Variants in YEATS2 observed in about 807,000 individuals in gnomAD.
The protein encoded by YEATS2 is YEATS domain containing 2.
YEATS2 carries 77 observed loss-of-function variants against 163.2 expected under a neutral mutation model. The observed-to-expected ratio is 0.47, with a 90% CI of 0.39 to 0.57. The LOEUF (loss-of-function observed/expected upper bound fraction) is 0.57. Ranked by LOEUF, YEATS2 falls within the 20% of genes least tolerant of loss-of-function variation. The pLI, the probability that YEATS2 is intolerant of heterozygous loss-of-function variation, is 0.00. For synonymous variants in YEATS2, 631 were observed against 645.1 expected, an observed-to-expected ratio of 0.98 and a Z score of 0.33; for missense variants, 1,549 against 1,729.8, an observed-to-expected ratio of 0.90 and a Z score of 1.85.
At chr3:183,799,459 C>A (rs1235203474) in intron 23 of YEATS2, among the ~76,000 whole-genome samples, 3 of 152,100 alleles carry the variant, frequency 2.0e-5, no homozygotes, top group Non-Finnish European at 4.4e-5. Flanking sequence ...ATTAAGGGCA[C>A]AGGAGAGACA....
chr3:183,720,971 T>C (rs914501474), intron 4 of YEATS2, among the ~76,000 whole-genome samples: 1 of 152,230 alleles, frequency 6.6e-6, no homozygotes, highest in Non-Finnish European at 1.5e-5. Flanking sequence ...CCTCTTCTTA[T>C]AAGCGAGGAG....
At chr3:183,780,389 C>T (rs891688906) in intron 19 of YEATS2, among the ~76,000 whole-genome samples, 10 of 152,200 alleles carry the variant, frequency 6.6e-5, no homozygotes, top group Admixed American at 5.2e-4. Flanking sequence ...CGTTTTTCCA[C>T]GCTTCTGTGG....
intron 30 of YEATS2, among the ~76,000 whole-genome samples, chr3:183,809,771 C>T (rs561113913): frequency 6.6e-6 from 1 of 152,206 alleles, no homozygotes; most frequent in Admixed American, 6.5e-5. Context: ...GCTTTTCTTT[C>T]GGAGGAAACA....
chr3:183,773,389 G>C (rs766786759), intron 16 of YEATS2, among the ~76,000 whole-genome samples: 1 of 152,164 alleles, frequency 6.6e-6, no homozygotes, highest in African/African-American at 2.4e-5. Flanking sequence ...CAGGACGTAC[G>C]ATCATCCTAT....
chr3:183,762,640 T>A (rs1341062895), intron 15 of YEATS2, among the ~76,000 whole-genome samples: 1 of 152,220 alleles, frequency 6.6e-6, no homozygotes, highest in Non-Finnish European at 1.5e-5. Context: ...TGCTGTAGTT[T>A]ATACCTCTGA....
At chr3:183,796,362 A>G (rs993281642) in intron 21 of YEATS2, among the ~76,000 whole-genome samples, 1 of 151,674 alleles carries the variant, frequency 6.6e-6, no homozygotes, top group South Asian at 2.1e-4. Context: ...CCTTCACACT[A>G]AAGGCCCTTT....
intron 24 of YEATS2, 123 bp from the exon 25 acceptor site, chr3:183,801,329 TATG>T: frequency 3.4e-6 from 2 of 594,568 alleles, no homozygotes; most frequent in South Asian, 6.2e-5. Flanking sequence ...GACATGCTAA[TATG>T]ATGGTTTTAA....
intron 8 of YEATS2, among the ~76,000 whole-genome samples, chr3:183,738,050 C>G (rs959098794): frequency 6.6e-6 from 1 of 151,740 alleles, no homozygotes; most frequent in Non-Finnish European, 1.5e-5. Context: ...TTTGATGTTA[C>G]TATTATTTTG....
chr3:183,768,968 G>A (rs551585985), intron 15 of YEATS2, among the ~76,000 whole-genome samples: 56 of 152,244 alleles, frequency 3.7e-4, no homozygotes, highest in African/African-American at 1.2e-3. Flanking sequence ...GCAAAACTCC[G>A]TCTCAAAAAA....
intron 8 of YEATS2, among the ~76,000 whole-genome samples, chr3:183,744,102 CTTTTTTTTTTTTTT>C (rs562807575): frequency 1.4e-4 from 8 of 56,002 alleles, no homozygotes; most frequent in Non-Finnish European, 2.1e-4. Flanking sequence ...TTTAGTTTTG[CTTTTTTTTTTTTTT>C]TTTTTTTTTT....
intron 1 of YEATS2, among the ~76,000 whole-genome samples, chr3:183,702,759 G>A (rs988938169): frequency 3.3e-5 from 5 of 151,800 alleles, no homozygotes; most frequent in South Asian, 4.2e-4. Context: ...TCTTGAACCC[G>A]GGAGGCGGAG....
chr3:183,805,010 A>C lies in YEATS2; in HGVS notation c.3784+822A>C, dbSNP rs981330186. Among the ~76,000 whole-genome samples the C allele has an allele frequency of 4.6e-5, 7 of 151,106 alleles. No individual in the cohort carries two copies. The East Asian group carries it at 1.2e-3, about 26-fold the overall frequency. On this transcript the variant is annotated intron_variant, in intron 27 of 30. Transcript: ENST00000305135. ...TCTCAAAAAAAAAACCACACACACAAAAAAAACAGACCACTGCTGCAGGGC... is the reference window on the plus strand; with the variant it reads ...TCTCAAAAAAAAAACCACACACACACAAAAAACAGACCACTGCTGCAGGGC...
chr3:183,776,068 G>A lies in YEATS2; in HGVS notation c.2522G>A (p.Gly841Glu), dbSNP rs747706219. The change falls in exon 18 of 31, where the codon GGA becomes GAA. Residue 841 changes from glycine (G) to glutamate (E), a missense_variant. Coordinates refer to ENST00000305135, the MANE Select transcript of YEATS2 (RefSeq NM_018023.5). ...GGAACTCAAAGTACTGCTGGCCCTG[G>A]AGGGATATCTCAGCACCTGACTTAC... The part of the protein sequence containing the change: ...GGGTQSTAGP[G>E]GISQHLTYTS... The A allele has an allele frequency of 6.2e-7, 1 of 1,612,176 alleles. No homozygotes were observed. Among genetic ancestry groups the A allele is most frequent in the South Asian group, 1.1e-5 (1 of 90,670 alleles).
chr3:183,800,616 C>A, intron 24 of YEATS2, 48 bp downstream of exon 24: 1 of 1,501,744 alleles, frequency 6.7e-7, no homozygotes. Flanking sequence ...GGGTGTTTGT[C>A]ACGCCTGTGA....
At chr3:183,797,870 C>CT in intron 21 of YEATS2, 53 bp from the exon 22 acceptor site, 1 of 1,609,462 alleles carries the variant, frequency 6.2e-7, no homozygotes, top group Non-Finnish European at 8.5e-7. Context: ...GGATAAGAGA[C>CT]TTTCCCGAAG....
intron 30 of YEATS2, 50 bp from the exon 31 acceptor site, chr3:183,810,425 A>T (rs1343554575): frequency 6.7e-7 from 1 of 1,491,858 alleles, no homozygotes; most frequent in Non-Finnish European, 9.3e-7. Flanking sequence ...AAATGATGAG[A>T]TATACGTGAG....
chr3:183,795,729 G>C lies in YEATS2; in HGVS notation c.3098-2194G>C, dbSNP rs750195119. Among the ~76,000 whole-genome samples, 17 of 152,004 alleles carry C rather than the reference G, an allele frequency of 1.1e-4. 1 individual carries two copies. The highest frequency in any genetic ancestry group is 2.5e-4 in the Non-Finnish European group (17 of 68,018). On this transcript the variant is annotated intron_variant, in intron 21 of 30. Transcript: ENST00000305135. ...TGGGGTTGGCTATATTTAGTTATAAGCCTTTTAGTACTTTCTAACTTGTCA... is the reference window on the plus strand; with the variant it reads ...TGGGGTTGGCTATATTTAGTTATAACCCTTTTAGTACTTTCTAACTTGTCA...
Position 183,762,428 on chromosome 3 carries a change from T to A in YEATS2, c.1947+149T>A. On this transcript the variant is annotated intron_variant, in intron 15 of 30. Coordinates refer to ENST00000305135, the MANE Select transcript of YEATS2 (RefSeq NM_018023.5). ...AGCCTAGTTGGAAAAACAAGTCTGT[T>A]GGTGTGAAACTCTTCTACTCCTGTA... The A allele has an allele frequency of 4.9e-6, 5 of 1,013,688 alleles. No homozygotes were observed. The East Asian group carries it at 1.3e-4, about 27-fold the overall frequency. The allele number at this position is 1,013,688 out of a possible 1,614,324, so 62.8% of individuals were successfully genotyped here.
intron 8 of YEATS2, 93 bp downstream of exon 8, chr3:183,736,922 G>A (rs1002028356): frequency 1.2e-5 from 14 of 1,130,890 alleles, no homozygotes; most frequent in Admixed American, 1.0e-4. Flanking sequence ...GGACCCCCTC[G>A]CATTAAAAAA....
Sources: allele counts gnomAD v4.1 joint callset (sites outside exome capture counted in the v4.1 genomes callset), GRCh38; gene constraint gnomAD v4.1.1; transcripts MANE v1.5; gene names NCBI Gene and HGNC (gene_info 2026-07-23, HGNC 2026-07-21).